The following TRRAP variants were observed in gnomAD, a reference collection of about 807,000 sequenced individuals.
TRRAP encodes the protein transformation/transcription domain associated protein, also known as transformation/transcription domain-associated protein.
Under a neutral mutation model 438.8 loss-of-function variants are expected in TRRAP, and 41 were observed. The observed-to-expected ratio is 0.09, with a 90% CI of 0.07 to 0.12. The LOEUF (loss-of-function observed/expected upper bound fraction) is 0.12. Ranked by LOEUF, TRRAP falls within the 10% of genes least tolerant of loss-of-function variation. The pLI is 1.00. For synonymous variants in TRRAP, 1,994 were observed against 1,962.9 expected (o/e 1.02, Z -0.42); for missense variants, 3,122 against 5,055.1 (o/e 0.62, Z 11.60).
chr7:98,992,890 G>A (rs953263647), intron 65 of TRRAP, among the ~76,000 whole-genome samples: 1 of 152,176 alleles, frequency 6.6e-6, no homozygotes, highest in South Asian at 2.1e-4. Context: ...TCTAACCTCT[G>A]GGGAGTCAGT....
At chr7:98,902,230 TGAA>T (rs1174711936) in intron 11 of TRRAP, among the ~76,000 whole-genome samples, 16 of 152,372 alleles carry the variant, frequency 1.1e-4, no homozygotes, top group South Asian at 4.1e-4. Flanking sequence ...GTAAAACTGA[TGAA>T]GAAGTTCTGG....
chr7:98,909,496 A>C (rs1554408201), intron 14 of TRRAP, among the ~76,000 whole-genome samples: 1 of 152,090 alleles, frequency 6.6e-6, no homozygotes, highest in Non-Finnish European at 1.5e-5. Context: ...TCGCTGTGGG[A>C]GTTAAATCAG....
At chr7:98,968,680 C>T (rs1792269860) in intron 51 of TRRAP, among the ~76,000 whole-genome samples, 1 of 152,172 alleles carries the variant, frequency 6.6e-6, no homozygotes, top group African/African-American at 2.4e-5. Context: ...CCTGAGACAG[C>T]TGGGACAGAA....
At chr7:98,975,807 T>C (rs1792629500) in intron 53 of TRRAP, among the ~76,000 whole-genome samples, 1 of 152,268 alleles carries the variant, frequency 6.6e-6, no homozygotes, top group South Asian at 2.1e-4. Context: ...GACATCTGTG[T>C]CCTTCTAAGT....
At chr7:98,943,455 G>GAAA (rs1790893914) in intron 31 of TRRAP, among the ~76,000 whole-genome samples, 1 of 152,124 alleles carries the variant, frequency 6.6e-6, no homozygotes, top group East Asian at 1.9e-4. Flanking sequence ...AAAACCAACT[G>GAAA]GTTTTTGGGA....
chr7:98,939,300 G>A (rs1790690159), intron 30 of TRRAP, among the ~76,000 whole-genome samples: 1 of 152,152 alleles, frequency 6.6e-6, no homozygotes, highest in African/African-American at 2.4e-5. Flanking sequence ...GCATTATGTA[G>A]AGAGAGATAT....
At position 98,956,635 on chromosome 7, in the gene TRRAP, G is replaced by A; in HGVS notation, c.6231+102G>A. The stretch of plus-strand genomic sequence containing the variant: ...TGAGCTCGGTGCTCAGCTGCATTCA[G>A]GAGAGGAAGCTGGGAACAGCCACGG... On this transcript the variant is annotated intron_variant, in intron 43 of 72. Transcript: ENST00000456197. This position sits in a 1 kb window ranked among gnomAD's most constrained non-coding sequence, Gnocchi z 4.5. 1 of 1,504,772 alleles carries A rather than the reference G, an allele frequency of 6.6e-7. No homozygotes were observed. Among genetic ancestry groups the A allele is most frequent in the Non-Finnish European group, 8.8e-7 (1 of 1,130,638 alleles). 93.2% of individuals were successfully genotyped at this position (1,504,772 alleles called of 1,614,324 possible). A position where few individuals can be genotyped will look rare whatever the true frequency, so the allele number is the denominator to read the frequency against.
chr7:98,886,462 C>A (rs991367969), intron 3 of TRRAP, among the ~76,000 whole-genome samples: 2 of 149,186 alleles, frequency 1.3e-5, no homozygotes, highest in South Asian at 4.3e-4. Flanking sequence ...ATATAGATAT[C>A]TAGAGAGATA....
chr7:98,940,662 C>T (rs1562951530), intron 30 of TRRAP, among the ~76,000 whole-genome samples: 1 of 152,130 alleles, frequency 6.6e-6, no homozygotes, highest in African/African-American at 2.4e-5. Flanking sequence ...TTTTTCCTCC[C>T]TTTTCTGCTC....
chr7:98,887,863 G>C (rs1215395349), intron 3 of TRRAP, among the ~76,000 whole-genome samples: 1 of 151,702 alleles, frequency 6.6e-6, no homozygotes. Context: ...GACAACTCCA[G>C]ATCTTTCTCT....
chr7:98,936,876 A>G (rs1790580640), intron 28 of TRRAP, among the ~76,000 whole-genome samples: 1 of 152,192 alleles, frequency 6.6e-6, no homozygotes, highest in Admixed American at 6.5e-5. Flanking sequence ...TCTCAGGGCC[A>G]AACACTAGGA....
chr7:98,934,196 G>A (rs527600700), intron 27 of TRRAP, among the ~76,000 whole-genome samples: 8 of 152,328 alleles, frequency 5.3e-5, no homozygotes, highest in African/African-American at 1.9e-4. Context: ...CTGGTGATCA[G>A]ATAAAATTTA....
At chr7:98,999,519 G>T in intron 67 of TRRAP, 1 of 726,762 alleles carries the variant, frequency 1.4e-6, no homozygotes, top group Non-Finnish European at 2.5e-6. Flanking sequence ...CAATATTGGG[G>T]TGCACCAGGG....
In TRRAP at chr7:98,927,181, C is replaced by T. The variant is rs1202573276; in HGVS notation, c.2990C>T (p.Thr997Ile). Residue 997 changes from threonine (T) to isoleucine (I), a missense_variant, in exon 23 of 73, where the codon ACC (threonine) becomes ATC (isoleucine). Coordinates refer to ENST00000456197, the MANE Select transcript of TRRAP (RefSeq NM_001375524.1). ...LLAHPNFTEK[T>I]IPNVIISHRY... is the part of the protein sequence containing the mutation. ...TTGCCTTTCAGCTTTACAGAAAAGA[C>T]CATCCCCAATGTTATCATCTCACAT... The T allele has an allele frequency of 1.2e-6, 2 of 1,614,120 alleles. No individual in the cohort carries two copies. Among genetic ancestry groups the T allele is most frequent in the Non-Finnish European group, 1.7e-6 (2 of 1,180,048 alleles).
intron 14 of TRRAP, among the ~76,000 whole-genome samples, chr7:98,909,239 G>T (rs1796941662): frequency 6.6e-6 from 1 of 151,988 alleles, no homozygotes; most frequent in Non-Finnish European, 1.5e-5. Flanking sequence ...GACCAGGCTG[G>T]TCTCGAACTC....
intron 12 of TRRAP, 75 bp from the exon 13 acceptor site, chr7:98,906,102 G>A (rs1369764339): frequency 2.9e-5 from 41 of 1,396,726 alleles, no homozygotes; most frequent in Non-Finnish European, 3.6e-5. Context: ...TGGCTACTTC[G>A]AAAGCACTGT....
chr7:98,958,289 T>C (rs1231164571), intron 44 of TRRAP, among the ~76,000 whole-genome samples, 198 bp downstream of exon 44: 1 of 152,108 alleles, frequency 6.6e-6, no homozygotes, highest in Admixed American at 6.5e-5. Flanking sequence ...CTGTGTCTTA[T>C]AATTGATCTA....
chr7:98,998,808 T>C lies in TRRAP; in HGVS notation c.10309+3960T>C, dbSNP rs551637833. On this transcript the variant is annotated intron_variant, in intron 67 of 72. Transcript: ENST00000456197. Reference sequence around the variant, plus strand: ...GTGCCCTCTGACTCACCCTCTTACCTTACCTCTGTTACAGAAATCTTGTCT... The same window carrying C: ...GTGCCCTCTGACTCACCCTCTTACCCTACCTCTGTTACAGAAATCTTGTCT... The C allele has an allele frequency of 1.5e-5, 4 of 265,586 alleles. No homozygotes were observed. In the East Asian group the frequency reaches 3.8e-4, roughly 25 times the overall value. 16.5% of individuals were successfully genotyped at this position (265,586 alleles called of 1,614,324 possible).
In TRRAP at chr7:98,976,071, A is replaced by G; in HGVS notation, c.7840-78A>G. The G allele has an allele frequency of 6.4e-7, 1 of 1,563,284 alleles. No homozygotes were observed. The highest frequency in any genetic ancestry group is 1.8e-5 in the Admixed American group (1 of 56,134). ...GCATCGGTAATGTATGAGACAGATC[A>G]TGGGTGTCTTCTGAGCGTGGTTGTG... is the stretch of plus-strand genomic sequence containing the variant. On this transcript the variant is annotated intron_variant, in intron 53 of 72. Coordinates refer to ENST00000456197, the MANE Select transcript of TRRAP (RefSeq NM_001375524.1). The surrounding 1 kb of genome is among the most constrained non-coding windows in gnomAD (Gnocchi z 4.6).
Sources: allele counts gnomAD v4.1 joint callset (sites outside exome capture counted in the v4.1 genomes callset), GRCh38; gene constraint gnomAD v4.1.1; non-coding constraint Gnocchi (gnomAD v3.1); transcripts MANE v1.5; gene names NCBI Gene and HGNC (gene_info 2026-07-23, HGNC 2026-07-21).